The following RNF20 variants were observed in gnomAD, a reference collection of about 807,000 sequenced individuals.
The protein encoded by RNF20 is E3 ubiquitin-protein ligase BRE1A.
In RNF20, 84 loss-of-function variants were observed where a neutral mutation model predicts 126.2. The ratio of observed to expected loss-of-function variants is 0.67; its 90% confidence interval spans 0.56 to 0.80. The LOEUF is 0.80. Ranked by LOEUF, RNF20 falls within the 30% of genes least tolerant of loss-of-function variation. RNF20 has a pLI of 0.00. For missense variants in RNF20, 869 were observed against 1,188.2 expected (o/e 0.73, Z 3.95); for synonymous variants, 400 against 414.3 (o/e 0.97, Z 0.42).
In RNF20 at chr9:101,557,553, A is replaced by C. The variant is rs1268875185; in HGVS notation, c.2339A>C (p.Glu780Ala). 1 of 1,614,050 alleles carries C rather than the reference A, an allele frequency of 6.2e-7. No homozygotes were observed. The highest frequency in any genetic ancestry group is 8.5e-7 in the Non-Finnish European group (1 of 1,179,914). Residue 780 changes from glutamate (E) to alanine (A), a missense_variant, in exon 16 of 20, where the codon GAG becomes GCG. By Grantham distance (107) the Glu-to-Ala change is moderately radical. Coordinates refer to ENST00000389120, the MANE Select transcript of RNF20 (RefSeq NM_019592.7). ...SNQIHKLLKE[E>A]KEELADQVLT... ...CAGATCCATAAGTTGCTTAAAGAAG[A>C]GAAGGAGGAGCTGGCAGACCAGGTG...
rs188717310 is a variant in RNF20, at chr9:101,559,495, T to C, written c.2383-1306T>C. ...TTGTAGATTGCTTTTGGCAGTATGG[T>C]CATTTTCACAATATTGATTCTACCC... On this transcript the variant is annotated intron_variant, in intron 16 of 19. Coordinates refer to ENST00000389120, the MANE Select transcript of RNF20 (RefSeq NM_019592.7). Among the ~76,000 whole-genome samples the C allele has an allele frequency of 7.9e-5, 12 of 152,276 alleles. No individual in the cohort carries two copies. In the East Asian group the frequency reaches 1.9e-3, roughly 24 times the overall value.
chr9:101,556,893 A>G (rs1029238133), intron 15 of RNF20, among the ~76,000 whole-genome samples: 3 of 152,234 alleles, frequency 2.0e-5, no homozygotes, highest in African/African-American at 7.2e-5. Context: ...AAAGAATACA[A>G]GTGGTCTTAA....
intron 15 of RNF20, among the ~76,000 whole-genome samples, chr9:101,555,301 T>G (rs906501877): frequency 6.6e-6 from 1 of 151,922 alleles, no homozygotes; most frequent in Non-Finnish European, 1.5e-5. Flanking sequence ...ACTATGCTTA[T>G]AAATATGTGA....
At position 101,552,207 on chromosome 9, in the gene RNF20, G is replaced by C. The variant is rs764634583; in HGVS notation, c.1475G>C (p.Gly492Ala). ...CAGAATCACAATCACCAGCTGAAAG[G>C]GGAGGTCCTGAGATATAAGCGGAAA... ...SLQNHNHQLK[G>A]EVLRYKRKLR... The change falls in exon 12 of 20, where the codon GGG becomes GCG. Residue 492 changes from glycine to alanine, a missense_variant. Transcript: ENST00000389120. 6.2e-7 allele frequency: 1 copy of C among 1,614,180 alleles called. No individual in the cohort carries two copies. Among genetic ancestry groups the C allele is most frequent in the Non-Finnish European group, 8.5e-7 (1 of 1,180,020 alleles).
At chr9:101,535,365 T>C (rs1827166068) in intron 1 of RNF20, 33 bp from the exon 2 acceptor site, 2 of 1,572,184 alleles carry the variant, frequency 1.3e-6, no homozygotes, top group South Asian at 1.2e-5. Flanking sequence ...TGCTTACATA[T>C]ATTATGTCAG....
intron 9 of RNF20, among the ~76,000 whole-genome samples, chr9:101,548,109 A>G (rs1325408450): frequency 6.6e-6 from 1 of 152,206 alleles, no homozygotes; most frequent in Non-Finnish European, 1.5e-5. Flanking sequence ...CAGGGAGATG[A>G]AAGAACTGTA....
At position 101,547,437 on chromosome 9, in the gene RNF20, G is replaced by C. The variant is rs140736024; in HGVS notation, c.1011G>C (p.Glu337Asp). 1.9e-6 allele frequency: 3 copies of C among 1,614,178 alleles called. No individual in the cohort carries two copies. The East Asian group carries it at 6.7e-5, about 36-fold the overall frequency. ...ATGCAGAGCTTGAGGAGAACAAAGA[G>C]TTGGCTCAGAACCGTCTCTGTGAGC... ...EMNAELEENK[E>D]LAQNRLCELE... Residue 337 changes from glutamate (E) to aspartate (D), a missense_variant, in exon 9 of 20, where the codon GAG becomes GAC. Glu to Asp is a conservative substitution (Grantham distance 45). Coordinates refer to ENST00000389120, the MANE Select transcript of RNF20 (RefSeq NM_019592.7).
Position 101,540,503 on chromosome 9 carries a change from T to G in RNF20, c.311T>G (p.Ile104Ser). The G allele has an allele frequency of 6.2e-7, 1 of 1,613,962 alleles. No homozygotes were observed. The highest frequency in any genetic ancestry group is 1.1e-5 in the South Asian group (1 of 91,072). Residue 104 changes from isoleucine to serine, a missense_variant, in exon 4 of 20, where the codon ATC (isoleucine) becomes AGC (serine). Ile to Ser is a moderately radical substitution (Grantham distance 142). Transcript: ENST00000389120. ...NRYWSQFDEN[I>S]RIILKRYDLE... ...ACCCTTCTCCAGTTTGATGAAAACA[T>G]CCGTATCATCCTTAAACGTTATGAT...
chr9:101,556,932 A>T (rs1423358481), intron 15 of RNF20, among the ~76,000 whole-genome samples: 4 of 152,210 alleles, frequency 2.6e-5, no homozygotes, highest in African/African-American at 4.8e-5. Flanking sequence ...AGTCTCACTT[A>T]AAATGAGATA....
chr9:101,547,205 T>C lies in RNF20; in HGVS notation c.963T>C (p.Asn321=), dbSNP rs749605483. The change falls in exon 8 of 20, where the codon AAT becomes AAC. Residue 321 remains asparagine, a synonymous_variant. Transcript: ENST00000389120. ...TGTATGGCGGCACAATCACTATCAA[T>C]GCTCGGAAGGTAAAATCAGTGACTC... is the stretch of plus-strand genomic sequence containing the variant. ...SSLYGGTITI[N]ARKFEEMNAE... is the part of the protein sequence containing the mutation. The C allele has an allele frequency of 5.6e-6, 9 of 1,614,136 alleles. No individual in the cohort carries two copies. The South Asian group carries it at 9.9e-5, about 18-fold the overall frequency.
chr9:101,557,815 T>C (rs535166360), intron 16 of RNF20, among the ~76,000 whole-genome samples: 1 of 152,310 alleles, frequency 6.6e-6, no homozygotes, highest in Non-Finnish European at 1.5e-5. Flanking sequence ...TCTGCTAATA[T>C]GGAAACATGT....
In RNF20 at chr9:101,546,976, G is replaced by C; in HGVS notation, c.894+10G>C. On this transcript the variant is annotated intron_variant, in intron 7 of 19. Coordinates refer to ENST00000389120, the MANE Select transcript of RNF20 (RefSeq NM_019592.7). ...AGAAGTCCTAGAACGGGTCAGTGCTGTTTTATGGCTTGGAGACTAGAATCA... is the reference window on the plus strand; with the variant it reads ...AGAAGTCCTAGAACGGGTCAGTGCTCTTTTATGGCTTGGAGACTAGAATCA... 1 of 1,613,928 alleles carries C rather than the reference G, an allele frequency of 6.2e-7. No individual in the cohort carries two copies. Among genetic ancestry groups the C allele is most frequent in the Non-Finnish European group, 8.5e-7 (1 of 1,179,868 alleles).
Position 101,552,373 on chromosome 9 carries a change from A to G in RNF20, c.1531-10A>G, listed in dbSNP as rs1827461276. ...AGAGATGTGCATCTTTCTTTTCTTT[A>G]TTCTCCCAGACACGCCTGCGTAGTG... On this transcript the variant is annotated splice_polypyrimidine_tract_variant and intron_variant, in intron 12 of 19. Coordinates refer to ENST00000389120, the MANE Select transcript of RNF20 (RefSeq NM_019592.7). The G allele has an allele frequency of 3.7e-6, 6 of 1,605,654 alleles. No individual in the cohort carries two copies. Among genetic ancestry groups the G allele is most frequent in the Non-Finnish European group, 5.1e-6 (6 of 1,174,600 alleles).
intron 2 of RNF20, among the ~76,000 whole-genome samples, chr9:101,537,066 G>A (rs1188942510): frequency 6.6e-6 from 1 of 152,228 alleles, no homozygotes; most frequent in Non-Finnish European, 1.5e-5. Flanking sequence ...AGCCAGCTGT[G>A]ATTGCGGGAC....
chr9:101,540,852 G>T lies in RNF20; in HGVS notation c.505G>T (p.Glu169Ter), dbSNP rs554493254. ...TACTTTGGCCAGCAGTTCCAGTGAA[G>T]AGATGGAGTCTCAGCTGCAGGAACG... ...LATLASSSSE[E>*]MESQLQERVE... is the part of the protein sequence containing the mutation. Residue 169 changes from glutamate to a stop codon, truncating the protein, a stop_gained, in exon 5 of 20, where the codon GAG becomes TAG. Transcript: ENST00000389120. LOFTEE classifies it high-confidence loss of function. 6.2e-7 allele frequency: 1 copy of T among 1,614,082 alleles called. No homozygotes were observed. Among genetic ancestry groups the T allele is most frequent in the African/African-American group, 1.3e-5 (1 of 75,014 alleles).
Position 101,547,512 on chromosome 9 carries a change from G to T in RNF20, c.1086G>T (p.Lys362Asn). The change falls in exon 9 of 20, where the codon AAG becomes AAT. Residue 362 changes from lysine (K) to asparagine (N), a missense_variant. Lys to Asn is a moderately conservative substitution (Grantham distance 94, BLOSUM62 0). This residue lies in a region of RNF20 where 153 missense variants were observed against 226.4 expected (regional missense o/e 0.68). Transcript: ENST00000389120. ...AGGAGGTCACTACACAAAATGAAAA[G>T]CTGAAGGTAGGAACGCATCCCTGAA... Reference protein sequence around the residue: ...DFEEVTTQNEKLKVELRSAVE... With the variant: ...DFEEVTTQNENLKVELRSAVE... 6.2e-7 allele frequency: 1 copy of T among 1,613,998 alleles called. No individual in the cohort carries two copies. The highest frequency in any genetic ancestry group is 8.5e-7 in the Non-Finnish European group (1 of 1,179,942).
chr9:101,547,629 A>C, intron 9 of RNF20, 111 bp downstream of exon 9: 1 of 1,226,048 alleles, frequency 8.2e-7, no homozygotes, highest in Non-Finnish European at 1.1e-6. Flanking sequence ...AATGTAGACA[A>C]AATCCAACAT....
At chr9:101,560,736 CAG>C in intron 16 of RNF20, 63 bp from the exon 17 acceptor site, 2 of 1,474,202 alleles carry the variant, frequency 1.4e-6, no homozygotes, top group Non-Finnish European at 1.8e-6. Context: ...TATAGATTAA[CAG>C]AATAGTTTTT....
intron 5 of RNF20, among the ~76,000 whole-genome samples, chr9:101,542,929 A>G (rs1055827744): frequency 9.2e-5 from 14 of 152,220 alleles, no homozygotes; most frequent in Non-Finnish European, 4.4e-5. Context: ...TGTATAAAGT[A>G]TGAATTATAG....
Sources: gnomAD v4.1 joint callset for allele counts (sites outside exome capture counted in the v4.1 genomes callset) on GRCh38, gnomAD v4.1.1 for gene constraint, gnomAD v4.1.1 regional missense constraint, MANE v1.5 for transcripts, NCBI Gene and HGNC (gene_info 2026-07-23, HGNC 2026-07-21) for gene names.